Variants in ADGRL4 observed in about 807,000 individuals in gnomAD.
ADGRL4 encodes adhesion G protein-coupled receptor L4, also known as EGF, latrophilin and seven transmembrane domain containing 1.
In ADGRL4, 90 loss-of-function variants were observed where a neutral mutation model predicts 74.8. The ratio of observed to expected loss-of-function variants is 1.20; its 90% CI spans 1.02 to 1.43. ADGRL4 has a LOEUF of 1.43. Among genes scored for constraint, ADGRL4 ranks in the 40% most tolerant of loss-of-function variants. The pLI is 0.00. For missense variants in ADGRL4, 881 were observed against 814.3 expected, an observed-to-expected ratio of 1.08 and a Z score of -1.00; for synonymous variants, 311 against 279.2, an observed-to-expected ratio of 1.11 and a Z score of -1.14.
chr1:78,928,015 C>T (rs777739794), intron 7 of ADGRL4, among the ~76,000 whole-genome samples: 2 of 147,698 alleles, frequency 1.4e-5, no homozygotes, highest in Non-Finnish European at 2.9e-5. Flanking sequence ...AAGATGATAA[C>T]TATCCCAGCC....
chr1:78,969,365 C>T lies in ADGRL4; in HGVS notation c.173-22939G>A, dbSNP rs185997077. On this transcript the variant is annotated intron_variant, in intron 2 of 14. Transcript: ENST00000370742. The stretch of plus-strand genomic sequence containing the variant: ...GTTCAACTTGCAGAGCTGATAAAAG[C>T]CTCTTGGGGAGAAACTTGCCTAGAC... Among the ~76,000 whole-genome samples the T allele has an allele frequency of 5.3e-5, 8 of 152,256 alleles. No individual in the cohort carries two copies. The East Asian group carries it at 1.5e-3, about 29-fold the overall frequency.
intron 8 of ADGRL4, among the ~76,000 whole-genome samples, chr1:78,922,023 T>C (rs755469622): frequency 7.9e-5 from 12 of 152,024 alleles, no homozygotes; most frequent in Non-Finnish European, 2.9e-5. Flanking sequence ...AAATTACTCA[T>C]GTCATTTACC....
Position 78,902,303 on chromosome 1 carries a change from T to C in ADGRL4, c.1750-9114A>G, listed in dbSNP as rs566882079. On this transcript the variant is annotated intron_variant, in intron 12 of 14. Coordinates refer to ENST00000370742, the MANE Select transcript of ADGRL4 (RefSeq NM_022159.4). ...GAGTGCTGATATTGAGTGCTTTCTA[T>C]GTGCCAGATATTGTTCCAAGTCTAT... Among the ~76,000 whole-genome samples the C allele has an allele frequency of 2.0e-5, 3 of 152,312 alleles. No individual in the cohort carries two copies. The South Asian group carries it at 6.2e-4, about 32-fold the overall frequency.
rs1311853733 is a variant in ADGRL4 at position 78,889,835 on chromosome 1, T to C, written c.*1319A>G. 4 of 464,134 alleles carry C rather than the reference T, an allele frequency of 8.6e-6. No homozygotes were observed. The highest frequency in any genetic ancestry group is 1.8e-5 in the Non-Finnish European group (4 of 223,954). The allele number at this position is 464,134 out of a possible 1,614,324, so 28.8% of individuals were successfully genotyped here. A position where few individuals can be genotyped will look rare whatever the true frequency, so the allele number is the denominator to read the frequency against. ...TCATTTCAACAGCTGGAGGAATTAA[T>C]TTAAAATCACAAATTTAGTGTATTG... is the stretch of plus-strand genomic sequence containing the variant. On this transcript the variant is annotated 3_prime_UTR_variant, in exon 15 of 15. Transcript: ENST00000370742.
At chr1:78,941,414 C>G (rs1255656106) in intron 3 of ADGRL4, among the ~76,000 whole-genome samples, 1 of 152,076 alleles carries the variant, frequency 6.6e-6, no homozygotes, top group African/African-American at 2.4e-5. Flanking sequence ...GTGAATAAAC[C>G]CATGAAGTAT....
In ADGRL4 at chr1:78,965,504, C is replaced by T. The variant is rs534844744; in HGVS notation, c.173-19078G>A. Among the ~76,000 whole-genome samples, 4 of 152,002 alleles carry T rather than the reference C, an allele frequency of 2.6e-5. No individual in the cohort carries two copies. The East Asian group carries it at 7.7e-4, about 29-fold the overall frequency. On this transcript the variant is annotated intron_variant, in intron 2 of 14. Transcript: ENST00000370742. ...GAAAAAATTTTTCCTATTTCACAAC[C>T]CACAAATTTTGTAGCAAGCAGTAAA...
intron 2 of ADGRL4, among the ~76,000 whole-genome samples, chr1:78,974,128 T>C (rs925031990): frequency 1.3e-5 from 2 of 152,138 alleles, no homozygotes; most frequent in Non-Finnish European, 2.9e-5. Flanking sequence ...CAAACACGCA[T>C]ATAAATGTTA....
intron 2 of ADGRL4, among the ~76,000 whole-genome samples, chr1:78,961,416 C>CA (rs1649951460): frequency 1.3e-5 from 2 of 152,258 alleles, no homozygotes; most frequent in South Asian, 4.1e-4. Flanking sequence ...GCTGGGATTA[C>CA]AGGCGTGAGT....
chr1:78,979,096 G>A (rs1326253009), intron 2 of ADGRL4, among the ~76,000 whole-genome samples: 1 of 151,846 alleles, frequency 6.6e-6, no homozygotes, highest in African/African-American at 2.4e-5. Context: ...CCCTAATGCG[G>A]CTGGCCTTCC....
At chr1:78,981,348 G>T (rs1369628762) in intron 2 of ADGRL4, among the ~76,000 whole-genome samples, 2 of 151,922 alleles carry the variant, frequency 1.3e-5, no homozygotes, top group African/African-American at 4.8e-5. Flanking sequence ...AATATTGTTT[G>T]TTAGGAAACC....
chr1:78,906,309 C>G (rs1648633522), intron 12 of ADGRL4, among the ~76,000 whole-genome samples: 1 of 151,928 alleles, frequency 6.6e-6, no homozygotes, highest in Non-Finnish European at 1.5e-5. Context: ...AGTATTAGCA[C>G]TTCATATTTT....
chr1:78,905,376 T>G (rs1342102749), intron 12 of ADGRL4, among the ~76,000 whole-genome samples: 4 of 152,020 alleles, frequency 2.6e-5, no homozygotes, highest in Non-Finnish European at 4.4e-5. Flanking sequence ...GACATATTCA[T>G]AATTAATCCA....
intron 2 of ADGRL4, among the ~76,000 whole-genome samples, chr1:78,951,439 G>T (rs1340803087): frequency 6.6e-6 from 1 of 152,124 alleles, no homozygotes; most frequent in East Asian, 1.9e-4. Context: ...ACTACACAGG[G>T]GGTTAAAATA....
At chr1:78,999,160 G>A (rs2100741212) in intron 2 of ADGRL4, among the ~76,000 whole-genome samples, 1 of 152,204 alleles carries the variant, frequency 6.6e-6, no homozygotes, top group African/African-American at 2.4e-5. Flanking sequence ...CCTAAAAATT[G>A]GGACTATAGA....
At chr1:78,897,753 A>G (rs1019671828) in intron 12 of ADGRL4, among the ~76,000 whole-genome samples, 1 of 152,186 alleles carries the variant, frequency 6.6e-6, no homozygotes, top group African/African-American at 2.4e-5. Flanking sequence ...CCAAAGTCAT[A>G]TTACAATATT....
At chr1:78,940,555 A>G (rs1649454661) in intron 3 of ADGRL4, among the ~76,000 whole-genome samples, 1 of 152,150 alleles carries the variant, frequency 6.6e-6, no homozygotes, top group Non-Finnish European at 1.5e-5. Context: ...GCCACTAGAG[A>G]AAAGATTCTA....
chr1:78,892,948 C>A, intron 13 of ADGRL4, 150 bp downstream of exon 13: 1 of 575,544 alleles, frequency 1.7e-6, no homozygotes, highest in Admixed American at 3.6e-5. Flanking sequence ...AATATACATA[C>A]TAAATGCTAT....
At chr1:79,004,167 A>C (rs899037148) in intron 2 of ADGRL4, among the ~76,000 whole-genome samples, 7 of 152,140 alleles carry the variant, frequency 4.6e-5, no homozygotes, top group African/African-American at 1.2e-4. Context: ...GAAAAAGTTC[A>C]TGTTATCCTG....
chr1:78,989,087 A>G (rs911202819), intron 2 of ADGRL4, among the ~76,000 whole-genome samples: 1 of 151,798 alleles, frequency 6.6e-6, no homozygotes, highest in Non-Finnish European at 1.5e-5. Context: ...AAAATTTTAT[A>G]ATATAGACAC....
Sources: allele counts gnomAD v4.1 joint callset (sites outside exome capture counted in the v4.1 genomes callset), GRCh38; gene constraint gnomAD v4.1.1; transcripts MANE v1.5; gene names NCBI Gene and HGNC (gene_info 2026-07-23, HGNC 2026-07-21).